The following PIWIL4 variants were observed in gnomAD, a reference collection of about 807,000 sequenced individuals.
PIWIL4 encodes the protein piwi like RNA-mediated gene silencing 4.
PIWIL4 carries 50 observed loss-of-function variants against 100.9 expected under a neutral mutation model. The observed-to-expected ratio is 0.50, with a 90% confidence interval of 0.39 to 0.63. The LOEUF (loss-of-function observed/expected upper bound fraction) is 0.63, where lower values mean the gene tolerates loss of function less well. PIWIL4 is among the 20% of genes least tolerant of loss of function. The pLI is 0.00. For missense variants in PIWIL4, 887 were observed against 1,043.3 expected, an observed-to-expected ratio of 0.85 and a Z score of 2.06; for synonymous variants, 342 against 367.5, an observed-to-expected ratio of 0.93 and a Z score of 0.79.
At position 94,607,484 on chromosome 11, in the gene PIWIL4, A is replaced by G. The variant is rs1424527365; in HGVS notation, c.1684A>G (p.Ile562Val). The change falls in exon 14 of 20, where the codon ATT becomes GTT. Residue 562 changes from isoleucine to valine, a missense_variant. Coordinates refer to ENST00000299001, the MANE Select transcript of PIWIL4 (RefSeq NM_152431.3). ...TAATCAGAAGACCTATTATGATTCC[A>G]TTAAAAAATATTTGAGCTCAGACTG... ...PSNQKTYYDS[I>V]KKYLSSDCPV... 3.7e-6 allele frequency: 6 copies of G among 1,613,980 alleles called. No individual in the cohort carries two copies. In the Admixed American group the frequency reaches 8.3e-5, roughly 22 times the overall value.
intron 1 of PIWIL4, chr11:94,567,916 A>T (rs546878308): frequency 2.9e-6 from 2 of 696,090 alleles, no homozygotes; most frequent in African/African-American, 1.9e-5. Context: ...GTAAAAAGTG[A>T]TGTGCTTTCA....
chr11:94,606,236 G>C (rs1297275447), intron 13 of PIWIL4, among the ~76,000 whole-genome samples: 1 of 152,158 alleles, frequency 6.6e-6, no homozygotes, highest in Non-Finnish European at 1.5e-5. Flanking sequence ...CCACTGCCTT[G>C]TTCTACCACT....
At chr11:94,568,365 C>T (rs898602783) in intron 1 of PIWIL4, among the ~76,000 whole-genome samples, 2 of 152,098 alleles carry the variant, frequency 1.3e-5, no homozygotes, top group African/African-American at 2.4e-5. Context: ...GCTGCTGACC[C>T]GGGGCCTCTG....
At position 94,620,811 on chromosome 11, in the gene PIWIL4, C is replaced by A. The variant is rs552513795; in HGVS notation, c.2443-65C>A. 164 of 1,268,720 alleles carry A rather than the reference C, an allele frequency of 1.3e-4. No homozygotes were observed. In the African/African-American group the frequency reaches 2.0e-3, roughly 16 times the overall value. 78.6% of individuals were successfully genotyped at this position (1,268,720 alleles called of 1,614,324 possible). On this transcript the variant is annotated intron_variant, in intron 19 of 19. Transcript: ENST00000299001. Reference sequence around the variant, plus strand: ...GTGTAACCAGTAGACAAAGTAAAATCAGAAAAAATCTCTTTGAAGAACAAG... The same window carrying A: ...GTGTAACCAGTAGACAAAGTAAAATAAGAAAAAATCTCTTTGAAGAACAAG...
intron 2 of PIWIL4, among the ~76,000 whole-genome samples, chr11:94,572,234 A>G (rs1435117634): frequency 6.6e-6 from 1 of 152,188 alleles, no homozygotes; most frequent in African/African-American, 2.4e-5. Flanking sequence ...CCCATTCTGT[A>G]GGTTGCCTGT....
At chr11:94,604,272 CT>C (rs1459597810) in intron 13 of PIWIL4, among the ~76,000 whole-genome samples, 20 of 152,260 alleles carry the variant, frequency 1.3e-4, no homozygotes, top group African/African-American at 4.8e-4. Flanking sequence ...CTTGTTACCC[CT>C]ATAACAGCCA....
intron 2 of PIWIL4, 84 bp downstream of exon 2, chr11:94,568,892 C>A: frequency 2.5e-6 from 3 of 1,196,922 alleles, no homozygotes; most frequent in Non-Finnish European, 3.7e-6. Context: ...CAGCAGTAGG[C>A]CCACCTCTTG....
chr11:94,570,716 C>T (rs1243842700), intron 2 of PIWIL4, among the ~76,000 whole-genome samples: 1 of 152,096 alleles, frequency 6.6e-6, no homozygotes, highest in Non-Finnish European at 1.5e-5. Context: ...CATGGTGAAA[C>T]CCCGTTCCTA....
At chr11:94,597,116 A>G (rs1035477014) in intron 10 of PIWIL4, among the ~76,000 whole-genome samples, 15 of 152,240 alleles carry the variant, frequency 9.9e-5, no homozygotes, top group Admixed American at 9.2e-4. Context: ...TAAGTTATAA[A>G]TGGAAAGTAC....
rs1239396177 is a variant in PIWIL4 at position 94,595,357 on chromosome 11, C to T, written c.1199C>T (p.Ala400Val). Residue 400 changes from alanine (A) to valine (V), a missense_variant, in exon 10 of 20, where the codon GCT (alanine) becomes GTT (valine). Transcript: ENST00000299001. ...GATTTCCAGCTGATGAAGGCTGTGGCTGAAAAGACACGTCTCAGTCCTTCA... is the reference window on the plus strand; with the variant it reads ...GATTTCCAGCTGATGAAGGCTGTGGTTGAAAAGACACGTCTCAGTCCTTCA... ...TSDFQLMKAV[A>V]EKTRLSPSGR... 6.2e-7 allele frequency: 1 copy of T among 1,613,876 alleles called. No homozygotes were observed. The highest frequency in any genetic ancestry group is 1.3e-5 in the African/African-American group (1 of 74,940).
At chr11:94,596,658 G>A (rs1484530619) in intron 10 of PIWIL4, among the ~76,000 whole-genome samples, 3 of 152,068 alleles carry the variant, frequency 2.0e-5, no homozygotes, top group African/African-American at 7.3e-5. Context: ...ATGCCGAATT[G>A]AGAAGGAATT....
intron 2 of PIWIL4, among the ~76,000 whole-genome samples, chr11:94,574,556 C>T (rs542937978): frequency 1.8e-4 from 28 of 152,242 alleles, no homozygotes; most frequent in African/African-American, 6.3e-4. Flanking sequence ...GGCTGGAGTG[C>T]GGGCGTGACC....
chr11:94,618,050 TTGAATA>T lies in PIWIL4; in HGVS notation c.2116_2121del (p.Tyr706_Glu707del), dbSNP rs748813843. 2 of 1,605,932 alleles carry T rather than the reference TTGAATA, an allele frequency of 1.2e-6. No individual in the cohort carries two copies. On this transcript the variant is annotated inframe_deletion, in exon 17 of 20. Coordinates refer to ENST00000299001, the MANE Select transcript of PIWIL4 (RefSeq NM_152431.3). ...GGGGATGGTCAGCTGAAAACACTTA[TTGAATA>T]TGAAGTCCCACAGCTGCTGAGCAGT...
intron 11 of PIWIL4, among the ~76,000 whole-genome samples, chr11:94,601,158 G>C (rs1224508770): frequency 2.6e-5 from 4 of 151,424 alleles, no homozygotes; most frequent in Non-Finnish European, 5.9e-5. Flanking sequence ...GAAGTGATAA[G>C]TGTCCATGAA....
intron 13 of PIWIL4, among the ~76,000 whole-genome samples, chr11:94,605,384 C>T (rs569372961): frequency 6.6e-6 from 1 of 152,284 alleles, no homozygotes; most frequent in Non-Finnish European, 1.5e-5. Flanking sequence ...TCTGATGTCT[C>T]CTCATGATTA....
intron 2 of PIWIL4, among the ~76,000 whole-genome samples, chr11:94,572,379 A>G (rs1488213429): frequency 6.6e-6 from 1 of 152,188 alleles, no homozygotes; most frequent in African/African-American, 2.4e-5. Flanking sequence ...TATGTCCTGA[A>G]TGGTATTGCC....
intron 13 of PIWIL4, 137 bp from the exon 14 acceptor site, chr11:94,607,302 G>A (rs1274315359): frequency 2.8e-6 from 2 of 708,404 alleles, no homozygotes; most frequent in Admixed American, 2.5e-5. Context: ...GAGAACTGTA[G>A]GCATGTTAGT....
In PIWIL4 at chr11:94,567,470, C is replaced by A; in HGVS notation, c.-49C>A. The A allele has an allele frequency of 6.9e-7, 1 of 1,458,726 alleles. No homozygotes were observed. The highest frequency in any genetic ancestry group is 9.2e-7 in the Non-Finnish European group (1 of 1,090,108). 90.4% of individuals were successfully genotyped at this position (1,458,726 alleles called of 1,614,324 possible). ...ATCTGTAGCCAAAGCAAAACATATC[C>A]TAACTGAGACTTTGCAGCTCTTGTG... On this transcript the variant is annotated 5_prime_UTR_variant, in exon 1 of 20. Transcript: ENST00000299001.
chr11:94,618,628 T>C (rs1236895076), intron 17 of PIWIL4, among the ~76,000 whole-genome samples: 1 of 152,194 alleles, frequency 6.6e-6, no homozygotes, highest in South Asian at 2.1e-4. Context: ...TCCACTGTTG[T>C]CTGTGTTTCA....
Sources: gnomAD v4.1 joint callset for allele counts (sites outside exome capture counted in the v4.1 genomes callset) on GRCh38, gnomAD v4.1.1 for gene constraint, MANE v1.5 for transcripts, NCBI Gene and HGNC (gene_info 2026-07-23, HGNC 2026-07-21) for gene names.